EXOC6B: variants seen among roughly 807,000 people sequenced by gnomAD.
EXOC6B encodes SEC15 homolog B.
A neutral mutation model predicts 113.5 loss-of-function variants in EXOC6B; 54 were observed. The ratio of observed to expected loss-of-function variants is 0.48; its 90% CI spans 0.38 to 0.60. EXOC6B has a LOEUF of 0.60. EXOC6B is among the 20% of genes least tolerant of loss of function. The pLI is 0.00. For missense variants in EXOC6B, 797 were observed against 977.5 expected, an observed-to-expected ratio of 0.82 and a Z score of 2.46; for synonymous variants, 357 against 339.0, an observed-to-expected ratio of 1.05 and a Z score of -0.58.
Position 72,659,517 on chromosome 2 carries a change from G to A in EXOC6B, c.669+58586C>T, listed in dbSNP as rs984992904. ...TTTTATTTCCCCAAGTCTATATAAG[G>A]AATCTGTATCTTGCTATACAACTGC... On this transcript the variant is annotated intron_variant, in intron 6 of 21. Transcript: ENST00000272427. Among the ~76,000 whole-genome samples the A allele has an allele frequency of 3.9e-5, 6 of 152,144 alleles. No individual in the cohort carries two copies. In the East Asian group the frequency reaches 1.2e-3, roughly 29 times the overall value.
At chr2:72,256,223 G>C (rs192647668) in intron 20 of EXOC6B, among the ~76,000 whole-genome samples, 1 of 152,198 alleles carries the variant, frequency 6.6e-6, no homozygotes, top group Non-Finnish European at 1.5e-5. Context: ...GATTTGGAGG[G>C]AGCACAGCCT....
At chr2:72,411,702 A>G (rs779420452) in intron 18 of EXOC6B, among the ~76,000 whole-genome samples, 10 of 152,180 alleles carry the variant, frequency 6.6e-5, no homozygotes, top group Non-Finnish European at 1.3e-4. Flanking sequence ...GGATTAGTAA[A>G]ACCCCTGAGA....
At chr2:72,399,009 G>GAAAAAAAAAA (rs576686166) in intron 18 of EXOC6B, among the ~76,000 whole-genome samples, 1 of 122,664 alleles carries the variant, frequency 8.2e-6, no homozygotes, top group Non-Finnish European at 1.9e-5. Context: ...CAGTGAAAAA[G>GAAAAAAAAAA]AAAAAAAAAA....
At position 72,350,580 on chromosome 2, in the gene EXOC6B, A is replaced by C. The variant is rs570728564; in HGVS notation, c.2123-15560T>G. On this transcript the variant is annotated intron_variant, in intron 19 of 21. Coordinates refer to ENST00000272427, the MANE Select transcript of EXOC6B (RefSeq NM_015189.3). ...GTGTTTTCCCTTTTCTCTTTTCCTA[A>C]AACAAACAAATTTTAAAAAATAAAA... Among the ~76,000 whole-genome samples, 380 of 152,302 alleles carry C rather than the reference A, an allele frequency of 2.5e-3. 1 individual carries two copies. The highest frequency in any genetic ancestry group is 6.8e-3 in the Middle Eastern group (2 of 294).
chr2:72,568,393 G>T (rs1704315942), intron 7 of EXOC6B, among the ~76,000 whole-genome samples: 1 of 152,000 alleles, frequency 6.6e-6, no homozygotes, highest in African/African-American at 2.4e-5. Context: ...ATTTCCTGAT[G>T]TAATCACTGT....
rs563282597 is a variant in EXOC6B, at chr2:72,267,355, C to T, written c.2196+67592G>A. ...GTGCCAGTTTTCAAAGGGAATGCTT[C>T]CAGTTTTTGCCCATTCAGTATGATA... is the stretch of plus-strand genomic sequence containing the variant. On this transcript the variant is annotated intron_variant, in intron 20 of 21. Coordinates refer to ENST00000272427, the MANE Select transcript of EXOC6B (RefSeq NM_015189.3). Among the ~76,000 whole-genome samples, 817 of 152,258 alleles carry T rather than the reference C, an allele frequency of 5.4e-3. 7 individuals are homozygous for T. The highest frequency in any genetic ancestry group is 0.019 in the African/African-American group (793 of 41,544).
At chr2:72,293,762 T>C (rs1361359425) in intron 20 of EXOC6B, among the ~76,000 whole-genome samples, 1 of 152,176 alleles carries the variant, frequency 6.6e-6, no homozygotes, top group Admixed American at 6.5e-5. Flanking sequence ...TTTTCTTTTC[T>C]GATATTTCTG....
intron 9 of EXOC6B, 46 bp from the exon 10 acceptor site, chr2:72,514,726 C>A: frequency 8.0e-7 from 1 of 1,247,030 alleles, no homozygotes. Context: ...TGTTTTGTTA[C>A]ATTAAGACTA....
At chr2:72,707,550 A>G (rs1455953582) in intron 6 of EXOC6B, among the ~76,000 whole-genome samples, 1 of 151,566 alleles carries the variant, frequency 6.6e-6, no homozygotes, top group Non-Finnish European at 1.5e-5. Flanking sequence ...AGTAGCTGGG[A>G]TTACAGGTGC....
intron 20 of EXOC6B, among the ~76,000 whole-genome samples, chr2:72,329,823 A>C (rs1202403440): frequency 6.6e-6 from 1 of 152,114 alleles, no homozygotes; most frequent in Admixed American, 6.6e-5. Context: ...GTATTTGTTC[A>C]ACATCTCAAA....
chr2:72,737,628 C>T (rs1051343659), intron 2 of EXOC6B, among the ~76,000 whole-genome samples: 15 of 152,052 alleles, frequency 9.9e-5, no homozygotes, highest in Admixed American at 8.5e-4. Context: ...ATGAGGTGGG[C>T]GGAACTCCCA....
intron 6 of EXOC6B, among the ~76,000 whole-genome samples, chr2:72,608,863 T>C (rs1364559784): frequency 1.3e-5 from 2 of 152,116 alleles, no homozygotes; most frequent in African/African-American, 4.8e-5. Context: ...TGGCAACCAT[T>C]TTTATCACTA....
At chr2:72,269,091 A>C (rs1684320504) in intron 20 of EXOC6B, among the ~76,000 whole-genome samples, 1 of 152,160 alleles carries the variant, frequency 6.6e-6, no homozygotes, top group Non-Finnish European at 1.5e-5. Context: ...ACACGATGTT[A>C]TATATATTAC....
chr2:72,187,937 T>C (rs922197075), intron 20 of EXOC6B, among the ~76,000 whole-genome samples: 1 of 152,074 alleles, frequency 6.6e-6, no homozygotes, highest in Admixed American at 6.5e-5. Flanking sequence ...GGAGAAACCA[T>C]GTAGTGGGAG....
intron 6 of EXOC6B, among the ~76,000 whole-genome samples, chr2:72,639,142 C>A (rs188556399): frequency 1.3e-5 from 2 of 152,268 alleles, no homozygotes; most frequent in South Asian, 2.1e-4. Flanking sequence ...TCTGCACAGG[C>A]GGGTTTTGCT....
chr2:72,679,595 C>A (rs908555632), intron 6 of EXOC6B, among the ~76,000 whole-genome samples: 1 of 152,038 alleles, frequency 6.6e-6, no homozygotes, highest in African/African-American at 2.4e-5. Flanking sequence ...AACTGGTAAT[C>A]CCATGAGATT....
chr2:72,235,650 T>A (rs1681914833), intron 20 of EXOC6B, among the ~76,000 whole-genome samples: 1 of 152,220 alleles, frequency 6.6e-6, no homozygotes, highest in Non-Finnish European at 1.5e-5. Flanking sequence ...AGAATAGGTG[T>A]ATGGGACTTT....
intron 11 of EXOC6B, among the ~76,000 whole-genome samples, chr2:72,510,515 T>C (rs910065899): frequency 6.6e-6 from 1 of 151,542 alleles, no homozygotes; most frequent in Non-Finnish European, 1.5e-5. Context: ...TTAAAAATAA[T>C]AATATAATCC....
At chr2:72,758,072 A>G (rs1573748340) in intron 1 of EXOC6B, among the ~76,000 whole-genome samples, 1 of 149,560 alleles carries the variant, frequency 6.7e-6, no homozygotes, top group East Asian at 2.0e-4. Flanking sequence ...CTGAGGAGGG[A>G]GGATCACTTG....
Sources: gnomAD v4.1 joint callset for allele counts (sites outside exome capture counted in the v4.1 genomes callset) on GRCh38, gnomAD v4.1.1 for gene constraint, MANE v1.5 for transcripts, NCBI Gene and HGNC (gene_info 2026-07-23, HGNC 2026-07-21) for gene names.